Variants in CAPN3 observed in about 807,000 individuals in gnomAD.
CAPN3 encodes calpain-3.
In CAPN3, 88 loss-of-function variants were observed where a neutral mutation model predicts 114.0. That is an observed-to-expected ratio of 0.77 (90% confidence interval 0.65 to 0.92). The LOEUF is 0.92. Ranked by LOEUF, CAPN3 falls within the 40% of genes least tolerant of loss-of-function variation. The pLI is 0.00. For missense variants in CAPN3, 1,028 were observed against 1,069.0 expected (o/e 0.96, Z 0.53); for synonymous variants, 386 against 382.9 (o/e 1.01, Z -0.09).
intron 1 of CAPN3, among the ~76,000 whole-genome samples, chr15:42,380,741 ATATATATATATTTTT>A (rs1283085857): frequency 8.5e-5 from 5 of 58,918 alleles, no homozygotes; most frequent in African/African-American, 4.8e-4. Context: ...ATATATATAT[ATATATATATATTTTT>A]TTTTTTTTTT....
chr15:42,372,095 G>T (rs943266498), intron 1 of CAPN3, among the ~76,000 whole-genome samples: 1 of 152,084 alleles, frequency 6.6e-6, no homozygotes, highest in African/African-American at 2.4e-5. Context: ...ATGAAGCAGG[G>T]ATGTTTCTCC....
chr15:42,382,571 G>C (rs2053280264), intron 1 of CAPN3, among the ~76,000 whole-genome samples: 1 of 152,148 alleles, frequency 6.6e-6, no homozygotes, highest in Non-Finnish European at 1.5e-5. Context: ...GTCTCACTAT[G>C]TTGCCCAGAC....
intron 15 of CAPN3, among the ~76,000 whole-genome samples, chr15:42,407,331 A>T (rs1442431091): frequency 6.8e-6 from 1 of 148,070 alleles, no homozygotes; most frequent in Non-Finnish European, 1.5e-5. Context: ...GCCAGAGAGG[A>T]TATTTTTGGT....
intron 1 of CAPN3, among the ~76,000 whole-genome samples, chr15:42,375,528 T>C (rs947690774): frequency 6.6e-6 from 1 of 151,970 alleles, no homozygotes; most frequent in Non-Finnish European, 1.5e-5. Context: ...TTCACTGCAT[T>C]TAGAGCAGGC....
intron 7 of CAPN3, 116 bp downstream of exon 7, chr15:42,392,838 A>ATTCAGT: frequency 2.7e-6 from 2 of 753,842 alleles, no homozygotes; most frequent in Non-Finnish European, 2.3e-6. Flanking sequence ...CAATCAGGAC[A>ATTCAGT]TTCAGTTCAA....
intron 7 of CAPN3, among the ~76,000 whole-genome samples, chr15:42,393,334 A>G (rs924973787): frequency 6.6e-6 from 1 of 152,032 alleles, no homozygotes; most frequent in Middle Eastern, 3.2e-3. Context: ...TTTTTGATCC[A>G]CAATTGGTTA....
intron 1 of CAPN3, among the ~76,000 whole-genome samples, chr15:42,381,760 G>A (rs376907860): frequency 8.3e-4 from 126 of 152,204 alleles, no homozygotes; most frequent in African/African-American, 2.8e-3. Context: ...GGCTGGTCTC[G>A]AACTCCTGGC....
At chr15:42,408,163 C>G in intron 15 of CAPN3, 48 bp from the exon 16 acceptor site, 1 of 1,292,836 alleles carries the variant, frequency 7.7e-7, no homozygotes, top group Non-Finnish European at 1.1e-6. Context: ...TGTGCCTGTT[C>G]AGACTGTAAT....
Position 42,389,023 on chromosome 15 carries a change from A to T in CAPN3, c.728A>T (p.Asp243Val). 6.2e-7 allele frequency: 1 copy of T among 1,614,036 alleles called. No individual in the cohort carries two copies. The highest frequency in any genetic ancestry group is 1.7e-4 in the Middle Eastern group (1 of 6,060). Residue 243 changes from aspartate to valine, a missense_variant, in exon 5 of 24, where the codon GAT becomes GTT. Asp to Val is a radical substitution (Grantham distance 152). Transcript: ENST00000397163. ...GGVAEFFEIR[D>V]APSDMYKIMK... ...GTGGCAGAGTTTTTTGAGATCAGGG[A>T]TGCTCCTAGTGACATGTACAAGATC...
At chr15:42,361,208 A>G (rs924180041) in intron 1 of CAPN3, among the ~76,000 whole-genome samples, 1 of 152,170 alleles carries the variant, frequency 6.6e-6, no homozygotes, top group Non-Finnish European at 1.5e-5. Context: ...GCTCATGCCT[A>G]TAAACCCAGC....
intron 7 of CAPN3, 143 bp downstream of exon 7, chr15:42,392,865 G>A: frequency 1.6e-6 from 1 of 640,334 alleles, no homozygotes; most frequent in Admixed American, 2.3e-5. Context: ...AGCCACGCCT[G>A]GGAGCAGAGG....
At chr15:42,382,257 A>T (rs2141149949) in intron 1 of CAPN3, among the ~76,000 whole-genome samples, 1 of 151,972 alleles carries the variant, frequency 6.6e-6, no homozygotes, top group Middle Eastern at 3.4e-3. Flanking sequence ...ATGTATATTC[A>T]TGTTGGTCAT....
chr15:42,364,857 C>G (rs1359004), intron 1 of CAPN3, among the ~76,000 whole-genome samples: 53,919 of 152,132 alleles, frequency 0.35, 16,546 homozygotes, highest in African/African-American at 0.83. Flanking sequence ...TCTTCTCTCT[C>G]ATCTCCTGCA....
intron 6 of CAPN3, 98 bp downstream of exon 6, chr15:42,390,194 C>CGTA: frequency 7.5e-7 from 1 of 1,336,472 alleles, no homozygotes; most frequent in Non-Finnish European, 1.1e-6. Flanking sequence ...GGGCCTTACC[C>CGTA]ACACACCCCC....
At chr15:42,393,716 C>A (rs1307826752) in intron 7 of CAPN3, among the ~76,000 whole-genome samples, 1 of 151,940 alleles carries the variant, frequency 6.6e-6, no homozygotes, top group Non-Finnish European at 1.5e-5. Flanking sequence ...GCCTCAGCCT[C>A]CTGAGTAGCT....
chr15:42,398,896 T>C (rs1032121764), intron 9 of CAPN3, among the ~76,000 whole-genome samples: 5 of 149,540 alleles, frequency 3.3e-5, no homozygotes, highest in Admixed American at 2.7e-4. Flanking sequence ...GTGATTCTCC[T>C]GCCTCAGCCT....
chr15:42,388,339 C>T (rs943867281), intron 4 of CAPN3, among the ~76,000 whole-genome samples: 28 of 152,186 alleles, frequency 1.8e-4, no homozygotes, highest in African/African-American at 6.5e-4. Context: ...AGGTCTCACT[C>T]TGTAATGCAG....
chr15:42,368,282 T>C (rs986995014), intron 1 of CAPN3, among the ~76,000 whole-genome samples: 1 of 152,220 alleles, frequency 6.6e-6, no homozygotes, highest in African/African-American at 2.4e-5. Flanking sequence ...CTGTAAAGAA[T>C]GTCCTTTTCA....
In CAPN3 at chr15:42,406,654, T is replaced by G. The variant is rs2054031724; in HGVS notation, c.1800+711T>G. On this transcript the variant is annotated intron_variant, in intron 15 of 23. Coordinates refer to ENST00000397163, the MANE Select transcript of CAPN3 (RefSeq NM_000070.3). Reference sequence around the variant, plus strand: ...AATGGAACTGGAAACCATGTCTGTTTACTCCAAAACCTGTGTTTCTTGCCC... The same window carrying G: ...AATGGAACTGGAAACCATGTCTGTTGACTCCAAAACCTGTGTTTCTTGCCC... Among the ~76,000 whole-genome samples, 5 of 152,210 alleles carry G rather than the reference T, an allele frequency of 3.3e-5. 1 individual carries two copies. In the South Asian group the frequency reaches 1.0e-3, roughly 31 times the overall value.
Sources: allele counts gnomAD v4.1 joint callset (sites outside exome capture counted in the v4.1 genomes callset), GRCh38; gene constraint gnomAD v4.1.1; transcripts MANE v1.5; gene names NCBI Gene and HGNC (gene_info 2026-07-23, HGNC 2026-07-21).